The following HIP1R variants were observed in gnomAD, a reference collection of about 807,000 sequenced individuals.
HIP1R encodes the protein huntingtin-interacting protein 1-related protein.
HIP1R carries 135 observed loss-of-function variants against 144.2 expected under a neutral mutation model. The observed-to-expected ratio is 0.94, with a 90% confidence interval of 0.81 to 1.08. The LOEUF is 1.08. Among genes scored for constraint, HIP1R ranks in the 50% least tolerant of loss-of-function variants. HIP1R has a pLI of 0.00. For synonymous variants in HIP1R, 698 were observed against 612.8 expected, an observed-to-expected ratio of 1.14 and a Z score of -2.05; for missense variants, 1,462 against 1,432.8, an observed-to-expected ratio of 1.02 and a Z score of -0.33.
rs190046269 is a variant in HIP1R, at chr12:122,858,411, G to A, written c.2026G>A (p.Ala676Thr). 1.9e-5 allele frequency: 31 copies of A among 1,609,778 alleles called. No homozygotes were observed. Among genetic ancestry groups the A allele is most frequent in the African/African-American group, 1.6e-4 (12 of 75,016 alleles). Reference protein sequence around the residue: ...DAVSTLEEGHAQYLTSLADAS... With the variant: ...DAVSTLEEGHTQYLTSLADAS... The stretch of plus-strand genomic sequence containing the variant: ...CGTGAGCACCCTGGAGGAGGGCCAC[G>A]CCCAGTACCTGACCTCCTTGGCAGG... The change falls in exon 20 of 32, where the codon GCC becomes ACC. Residue 676 changes from alanine (A) to threonine (T), a missense_variant. This residue lies in a region of HIP1R where 1,112 missense variants were observed against 1,011.7 expected (regional missense o/e 1.10). Transcript: ENST00000253083.
intron 1 of HIP1R, among the ~76,000 whole-genome samples, chr12:122,842,325 A>C (rs1323969004): frequency 6.6e-6 from 1 of 152,192 alleles, no homozygotes; most frequent in Non-Finnish European, 1.5e-5. Flanking sequence ...GTTGATTTTA[A>C]AAATAGAAAT....
chr12:122,858,840 G>T lies in HIP1R; in HGVS notation c.2053G>T (p.Ala685Ser). ...CTTGGCCCCACCCACCCGCACAGAC[G>T]CCTCCGCCCTGGTGGCAGCTCTGAC... is the stretch of plus-strand genomic sequence containing the variant. ...HAQYLTSLADASALVAALTRF... is the reference protein window; with the variant it reads ...HAQYLTSLADSSALVAALTRF... Residue 685 changes from alanine (A) to serine (S), a missense_variant and splice_region_variant, in exon 21 of 32, where the codon GCC becomes TCC. Around this residue, in one of 2 missense-constraint regions of HIP1R, gnomAD observed 1,112 missense variants for 1,011.7 expected, o/e 1.10. Coordinates refer to ENST00000253083, the MANE Select transcript of HIP1R (RefSeq NM_003959.3). 2 of 1,609,982 alleles carry T rather than the reference G, an allele frequency of 1.2e-6. No individual in the cohort carries two copies. The highest frequency in any genetic ancestry group is 1.7e-6 in the Non-Finnish European group (2 of 1,177,306).
At chr12:122,859,881 G>T (rs1284096529) in intron 24 of HIP1R, 51 bp downstream of exon 24, 3 of 1,571,748 alleles carry the variant, frequency 1.9e-6, no homozygotes, top group African/African-American at 1.3e-5. Context: ...GCTCCCCGTG[G>T]CCCCTAAGGT....
At chr12:122,858,525 C>G in intron 20 of HIP1R, 90 bp downstream of exon 20, 1 of 1,056,786 alleles carries the variant, frequency 9.5e-7, no homozygotes, top group Admixed American at 2.5e-5. Flanking sequence ...GGTTTACAGA[C>G]AGCAGGGACC....
intron 2 of HIP1R, 31 bp from the exon 3 acceptor site, chr12:122,848,435 T>C (rs1254484537): frequency 6.3e-6 from 10 of 1,591,534 alleles, no homozygotes; most frequent in Non-Finnish European, 7.7e-6. Flanking sequence ...TGCTCCAGTC[T>C]CTGCTTCCAC....
intron 8 of HIP1R, among the ~76,000 whole-genome samples, chr12:122,854,389 G>A (rs2033498256): frequency 6.7e-6 from 1 of 149,644 alleles, no homozygotes; most frequent in East Asian, 2.0e-4. Context: ...AAAACTTAGT[G>A]AGTGGCTTGG....
intron 1 of HIP1R, among the ~76,000 whole-genome samples, chr12:122,839,970 A>G (rs2033012745): frequency 6.6e-6 from 1 of 152,190 alleles, no homozygotes; most frequent in Non-Finnish European, 1.5e-5. Flanking sequence ...GGCAACATTT[A>G]CGTGTATAGG....
chr12:122,856,975 G>GGGGGGGGGGGGGGGGGGCCC, intron 17 of HIP1R, 46 bp from the exon 18 acceptor site: 1 of 1,403,588 alleles, frequency 7.1e-7, no homozygotes, highest in Non-Finnish European at 9.6e-7. Context: ...GGTGGGTGGG[G>GGGGGGGGGGGGGGGGGGCCC]CCTGGGAGCT....
intron 2 of HIP1R, 50 bp downstream of exon 2, chr12:122,848,144 C>T (rs780538202): frequency 9.5e-6 from 15 of 1,582,588 alleles, no homozygotes; most frequent in Non-Finnish European, 1.3e-5. Flanking sequence ...GATGTGGGAG[C>T]AGCGTAGTGC....
At chr12:122,858,732 C>T (rs1267463846) in intron 20 of HIP1R, 106 bp from the exon 21 acceptor site, 4 of 850,764 alleles carry the variant, frequency 4.7e-6, no homozygotes, top group East Asian at 2.4e-5. Flanking sequence ...CCGAGCCCTC[C>T]TTTCCTCTTC....
chr12:122,854,805 T>C, intron 8 of HIP1R, 100 bp from the exon 9 acceptor site: 2 of 1,296,158 alleles, frequency 1.5e-6, no homozygotes, highest in Non-Finnish European at 2.2e-6. Context: ...TCAGGTGATC[T>C]CTGATCTGTG....
Position 122,854,094 on chromosome 12 carries a change from A to G in HIP1R, c.629A>G (p.Gln210Arg), listed in dbSNP as rs1332627553. 1.2e-6 allele frequency: 2 copies of G among 1,613,946 alleles called. No individual in the cohort carries two copies. The highest frequency in any genetic ancestry group is 3.3e-5 in the Admixed American group (2 of 60,024). The change falls in exon 8 of 32, where the codon CAG becomes CGG. Residue 210 changes from glutamine to arginine, a missense_variant. Around this residue, in one of 2 missense-constraint regions of HIP1R, gnomAD observed 350 missense variants for 421.1 expected, o/e 0.83. Transcript: ENST00000253083. The stretch of plus-strand genomic sequence containing the variant: ...GCCGTATCCCAGATGTCCTCAGGCC[A>G]GTGCCGCCTGGCCCCCCTCATCCAG... Reference protein sequence around the residue: ...AIAVSQMSSGQCRLAPLIQVI... With the variant: ...AIAVSQMSSGRCRLAPLIQVI...
intron 1 of HIP1R, among the ~76,000 whole-genome samples, chr12:122,842,598 G>C (rs1015706515): frequency 2.0e-5 from 3 of 152,306 alleles, no homozygotes; most frequent in African/African-American, 7.2e-5. Flanking sequence ...GACAACTCCG[G>C]AGCCTCCTGG....
rs2033759623 is a variant in HIP1R at position 122,861,181 on chromosome 12, A to G, written c.2941A>G (p.Met981Val). 6.3e-7 allele frequency: 1 copy of G among 1,592,848 alleles called. No homozygotes were observed. The highest frequency in any genetic ancestry group is 1.4e-5 in the African/African-American group (1 of 69,106). ...CCTCATCAAGCTGAAGAAGCAGGAG[A>G]TGGAGACCCAGGTAGGCGCCCATGG... is the stretch of plus-strand genomic sequence containing the variant. The part of the protein sequence containing the change: ...LSLIKLKKQE[M>V]ETQVRVLELE... Residue 981 changes from methionine (M) to valine (V), a missense_variant, in exon 30 of 32, where the codon ATG becomes GTG. Physicochemically the swap from Met to Val is conservative, Grantham distance 21 (BLOSUM62 1). Coordinates refer to ENST00000253083, the MANE Select transcript of HIP1R (RefSeq NM_003959.3).
In HIP1R at chr12:122,860,096, G is replaced by A; in HGVS notation, c.2496+19G>A. On this transcript the variant is annotated intron_variant, in intron 25 of 31. Coordinates refer to ENST00000253083, the MANE Select transcript of HIP1R (RefSeq NM_003959.3). Reference sequence around the variant, plus strand: ...GATGAAGGTGAGGGGCTGTGACCCGGGGGGGTCTGCACCTGGAGGGCCACC... The same window carrying A: ...GATGAAGGTGAGGGGCTGTGACCCGAGGGGGTCTGCACCTGGAGGGCCACC... 1 of 1,579,382 alleles carries A rather than the reference G, an allele frequency of 6.3e-7. No individual in the cohort carries two copies. The highest frequency in any genetic ancestry group is 2.2e-5 in the East Asian group (1 of 44,580).
chr12:122,857,231 A>G lies in HIP1R; in HGVS notation c.1815+16A>G, dbSNP rs945706401. 4.5e-5 allele frequency: 69 copies of G among 1,548,670 alleles called. No homozygotes were observed. Among genetic ancestry groups the G allele is most frequent in the Non-Finnish European group, 5.9e-5 (68 of 1,145,440 alleles). ...GGCAGAGAGGGTATGGCCTCCCCAG[A>G]TGCAGCAGCACCACTGAGTTCACTG... is the stretch of plus-strand genomic sequence containing the variant. On this transcript the variant is annotated intron_variant, in intron 18 of 31. Transcript: ENST00000253083.
intron 7 of HIP1R, among the ~76,000 whole-genome samples, chr12:122,851,986 C>T: frequency 6.6e-6 from 1 of 152,188 alleles, no homozygotes; most frequent in Non-Finnish European, 1.5e-5. Flanking sequence ...TCTAGAAAGC[C>T]TCTGAGTCAC....
In HIP1R at chr12:122,861,874, T is replaced by A; in HGVS notation, c.*121T>A. The A allele has an allele frequency of 1.1e-6, 1 of 872,264 alleles. No individual in the cohort carries two copies. Among genetic ancestry groups the A allele is most frequent in the East Asian group, 2.6e-5 (1 of 37,920 alleles). 54.0% of individuals were successfully genotyped at this position (872,264 alleles called of 1,614,324 possible). A position where few individuals can be genotyped will look rare whatever the true frequency, so the allele number is the denominator to read the frequency against. On this transcript the variant is annotated 3_prime_UTR_variant, in exon 32 of 32. Transcript: ENST00000253083. The stretch of plus-strand genomic sequence containing the variant: ...CAAGCCTCCCGCCCCACCGTCTGGA[T>A]CAATGTCCTCAAGGCCCCTGGCCCT...
intron 23 of HIP1R, 48 bp from the exon 24 acceptor site, chr12:122,859,724 C>T: frequency 1.3e-6 from 2 of 1,598,820 alleles, no homozygotes; most frequent in Non-Finnish European, 1.7e-6. Flanking sequence ...TTCCCAGGAC[C>T]ACGGTCCCCT....
Sources: allele counts gnomAD v4.1 joint callset (sites outside exome capture counted in the v4.1 genomes callset), GRCh38; gene constraint gnomAD v4.1.1; regional missense constraint gnomAD v4.1.1; transcripts MANE v1.5; gene names NCBI Gene and HGNC (gene_info 2026-07-23, HGNC 2026-07-21).